The following GATAD2A variants were observed in gnomAD, a reference collection of about 807,000 sequenced individuals.
The protein encoded by GATAD2A is GATA zinc finger domain containing 2A, also known as transcriptional repressor p66-alpha.
Under a neutral mutation model 68.5 loss-of-function variants are expected in GATAD2A, and 12 were observed. That is an observed-to-expected ratio of 0.18 (90% CI 0.11 to 0.28). The LOEUF is 0.28. Ranked by LOEUF, GATAD2A falls within the 10% of genes least tolerant of loss-of-function variation. The pLI, the probability that GATAD2A is intolerant of heterozygous loss-of-function variation, is 1.00. For missense variants in GATAD2A, 755 were observed against 868.5 expected (o/e 0.87, Z 1.64); for synonymous variants, 410 against 375.3 (o/e 1.09, Z -1.07).
At chr19:19,391,958 G>T (rs1200794232) in intron 1 of GATAD2A, among the ~76,000 whole-genome samples, 1 of 152,006 alleles carries the variant, frequency 6.6e-6, no homozygotes, top group African/African-American at 2.4e-5. Flanking sequence ...TGTGTCAAGT[G>T]GTTCCATCCA....
intron 2 of GATAD2A, among the ~76,000 whole-genome samples, chr19:19,474,374 C>T (rs548585644): frequency 2.8e-4 from 42 of 152,274 alleles, no homozygotes; most frequent in African/African-American, 9.6e-4. Context: ...AGAAACCTTA[C>T]CATCCCACTC....
chr19:19,439,326 A>G (rs1845985666), intron 1 of GATAD2A, among the ~76,000 whole-genome samples: 1 of 152,220 alleles, frequency 6.6e-6, no homozygotes. Flanking sequence ...TGACTGTAGA[A>G]AAACAGATTG....
intron 7 of GATAD2A, 59 bp from the exon 8 acceptor site, chr19:19,498,384 G>A: frequency 5.2e-6 from 8 of 1,526,048 alleles, no homozygotes; most frequent in Non-Finnish European, 7.1e-6. Context: ...CGGGGCGCTG[G>A]GGAGCCTTCC....
chr19:19,481,005 C>T (rs1384463407), intron 2 of GATAD2A, among the ~76,000 whole-genome samples: 4 of 152,220 alleles, frequency 2.6e-5, no homozygotes, highest in Admixed American at 2.6e-4. Context: ...CAGGTGACTT[C>T]TCTCTCCCTG....
intron 1 of GATAD2A, among the ~76,000 whole-genome samples, chr19:19,445,197 C>T (rs1318823275): frequency 6.6e-6 from 1 of 152,032 alleles, no homozygotes; most frequent in Non-Finnish European, 1.5e-5. Context: ...GCTGCCTACC[C>T]TGATGGCTGA....
At chr19:19,498,008 G>C (rs922154884) in intron 7 of GATAD2A, among the ~76,000 whole-genome samples, 1 of 152,202 alleles carries the variant, frequency 6.6e-6, no homozygotes, top group Non-Finnish European at 1.5e-5. Context: ...ATGCAGAGAG[G>C]CTCATGGGGG....
intron 1 of GATAD2A, among the ~76,000 whole-genome samples, chr19:19,437,033 T>C (rs1291266072): frequency 6.6e-6 from 1 of 152,218 alleles, no homozygotes; most frequent in East Asian, 1.9e-4. Context: ...GCTCTTCATA[T>C]GGCAAGAAAA....
rs1252439408 is a variant in GATAD2A, at chr19:19,506,877, C to T, written c.*1403C>T. On this transcript the variant is annotated 3_prime_UTR_variant, in exon 12 of 12. Transcript: ENST00000683918. ...CAATTGAGCTCCAGCCCTGGTTTTC[C>T]TACCCATGCAGTTAGGGACTTTAAT... 6.6e-6 allele frequency: 1 copy of T among 152,044 alleles called. No homozygotes were observed. The highest frequency in any genetic ancestry group is 1.5e-5 in the Non-Finnish European group (1 of 67,946). 9.4% of individuals were successfully genotyped at this position (152,044 alleles called of 1,614,324 possible). A position where few individuals can be genotyped will look rare whatever the true frequency, so the allele number is the denominator to read the frequency against.
At chr19:19,454,206 A>AG (rs147477831) in intron 1 of GATAD2A, among the ~76,000 whole-genome samples, 65,311 of 149,872 alleles carry the variant, frequency 0.44, 15,518 homozygotes, top group African/African-American at 0.63. Context: ...CATGTTGGTC[A>AG]GCTGGTCTTG....
chr19:19,461,554 C>T (rs1003791433), intron 1 of GATAD2A, among the ~76,000 whole-genome samples: 1 of 152,214 alleles, frequency 6.6e-6, no homozygotes, highest in African/African-American at 2.4e-5. Context: ...AGCAGCATTC[C>T]TATCTGCCCT....
At chr19:19,474,246 A>G (rs1452193349) in intron 2 of GATAD2A, 9 of 756,398 alleles carry the variant, frequency 1.2e-5, no homozygotes, top group Non-Finnish European at 1.4e-5. Flanking sequence ...ATTGCCCCCA[A>G]CCCCGACAAC....
chr19:19,490,957 G>C (rs2059754112), intron 2 of GATAD2A, among the ~76,000 whole-genome samples: 1 of 152,220 alleles, frequency 6.6e-6, no homozygotes, highest in Admixed American at 6.5e-5. Context: ...AGCAAATGGA[G>C]CTGCTTGGTT....
At position 19,498,532 on chromosome 19, in the gene GATAD2A, C is replaced by T. The variant is rs369949699; in HGVS notation, c.1014C>T (p.Ala338=). The change falls in exon 8 of 12, where the codon GCC becomes GCT. Residue 338 remains alanine, a synonymous_variant. Coordinates refer to ENST00000683918, the MANE Select transcript of GATAD2A (RefSeq NM_001384528.1). ...PTSVASVVTS[A]ESPASRQAAA... is the part of the protein sequence containing the mutation. Reference sequence around the variant, plus strand: ...GTGTGGCCTCTGTGGTCACCTCTGCCGAGTCTCCAGCAAGCCGACAGGCGG... The same window carrying T: ...GTGTGGCCTCTGTGGTCACCTCTGCTGAGTCTCCAGCAAGCCGACAGGCGG... 492 of 1,613,892 alleles carry T rather than the reference C, an allele frequency of 3.0e-4. No homozygotes were observed. The highest frequency in any genetic ancestry group is 3.7e-4 in the Non-Finnish European group (442 of 1,179,998).
At chr19:19,495,391 C>T (rs575236417) in intron 5 of GATAD2A, among the ~76,000 whole-genome samples, 1 of 152,224 alleles carries the variant, frequency 6.6e-6, no homozygotes, top group Admixed American at 6.5e-5. Context: ...TCACTGCAAC[C>T]TCCGCCTCCC....
intron 1 of GATAD2A, among the ~76,000 whole-genome samples, chr19:19,428,379 G>T (rs1005233811): frequency 1.3e-5 from 2 of 152,186 alleles, no homozygotes; most frequent in Non-Finnish European, 2.9e-5. Flanking sequence ...AATGTTTTGA[G>T]GAACAACATT....
Position 19,505,747 on chromosome 19 carries a change from G to A in GATAD2A, c.*273G>A, listed in dbSNP as rs1488045448. On this transcript the variant is annotated 3_prime_UTR_variant, in exon 12 of 12. Coordinates refer to ENST00000683918, the MANE Select transcript of GATAD2A (RefSeq NM_001384528.1). ...TCCTTTCTCTCTTTGCCTTTAGTTT[G>A]CCCGACACCAGCAGAAAAGTGGACC... is the stretch of plus-strand genomic sequence containing the variant. 12 of 468,764 alleles carry A rather than the reference G, an allele frequency of 2.6e-5. No homozygotes were observed. The highest frequency in any genetic ancestry group is 5.2e-4 in the Middle Eastern group (1 of 1,920). 29.0% of individuals were successfully genotyped at this position (468,764 alleles called of 1,614,324 possible). A position where few individuals can be genotyped will look rare whatever the true frequency, so the allele number is the denominator to read the frequency against.
At chr19:19,469,148 A>G (rs540396193) in intron 2 of GATAD2A, among the ~76,000 whole-genome samples, 5 of 152,314 alleles carry the variant, frequency 3.3e-5, no homozygotes, top group Admixed American at 3.3e-4. Context: ...TAAAAAAATC[A>G]GGGCTGGGCA....
intron 1 of GATAD2A, among the ~76,000 whole-genome samples, chr19:19,431,166 G>A (rs1171209125): frequency 1.3e-5 from 2 of 151,838 alleles, no homozygotes; most frequent in African/African-American, 4.8e-5. Context: ...AAAGCTCTCT[G>A]AACTCAGCCA....
At chr19:19,389,402 A>C (rs2048687995) in intron 1 of GATAD2A, among the ~76,000 whole-genome samples, 1 of 152,168 alleles carries the variant, frequency 6.6e-6, no homozygotes. Context: ...GACTGAGGGC[A>C]GTCTCTCTCC....
Sources: gnomAD v4.1 joint callset for allele counts (sites outside exome capture counted in the v4.1 genomes callset) on GRCh38, gnomAD v4.1.1 for gene constraint, MANE v1.5 for transcripts, NCBI Gene and HGNC (gene_info 2026-07-23, HGNC 2026-07-21) for gene names.